The following GOLM2 variants were observed in gnomAD, a reference collection of about 807,000 sequenced individuals.
GOLM2 encodes the protein golgi membrane protein 2.
A neutral mutation model predicts 55.9 loss-of-function variants in GOLM2; 26 were observed. That is an observed-to-expected ratio of 0.47 (90% CI 0.34 to 0.65). GOLM2 has a LOEUF of 0.65. Ranked by LOEUF, GOLM2 falls within the 30% of genes least tolerant of loss-of-function variation. The pLI is 0.01. For missense variants in GOLM2, 486 were observed against 531.8 expected (o/e 0.91, Z 0.85); for synonymous variants, 165 against 194.6 (o/e 0.85, Z 1.27).
intron 6 of GOLM2, among the ~76,000 whole-genome samples, chr15:44,341,413 C>CGG (rs1373024461): frequency 6.6e-5 from 10 of 151,948 alleles, no homozygotes; most frequent in African/African-American, 2.4e-4. Flanking sequence ...AAAATTTTAT[C>CGG]ATTATTACTC....
rs1434760441 is a variant in GOLM2, at chr15:44,288,959, C to T, written c.-71C>T. On this transcript the variant is annotated 5_prime_UTR_variant, in exon 1 of 10. Transcript: ENST00000299957. ...TGGGGCCGTGTCCGCCGGGCAACTC[C>T]AGCCGAGGCCTGGGCTTCTGCCTGC... is the stretch of plus-strand genomic sequence containing the variant. 1 of 1,433,264 alleles carries T rather than the reference C, an allele frequency of 7.0e-7. No homozygotes were observed. The allele number at this position is 1,433,264 out of a possible 1,614,324, so 88.8% of individuals were successfully genotyped here.
At chr15:44,366,296 C>CA (rs34413737) in intron 6 of GOLM2, among the ~76,000 whole-genome samples, 3,954 of 54,764 alleles carry the variant, frequency 0.072, 94 homozygotes, top group East Asian at 0.15. Context: ...GACTCCGTCT[C>CA]AAAAAAAAAA....
intron 1 of GOLM2, among the ~76,000 whole-genome samples, chr15:44,298,714 T>C (rs78660247): frequency 0.029 from 4,378 of 152,300 alleles, 220 homozygotes; most frequent in African/African-American, 0.1. Flanking sequence ...GGAAGGACTA[T>C]GTTTTAAATT....
intron 6 of GOLM2, among the ~76,000 whole-genome samples, chr15:44,353,518 G>A (rs953487810): frequency 1.3e-5 from 2 of 152,146 alleles, no homozygotes; most frequent in African/African-American, 4.8e-5. Context: ...CCAGGATTTG[G>A]AAGCAACCTA....
chr15:44,341,079 CTTTTTTTT>C (rs533432768), intron 6 of GOLM2, among the ~76,000 whole-genome samples: 2 of 132,240 alleles, frequency 1.5e-5, no homozygotes, highest in East Asian at 4.3e-4. Context: ...ATACTTTTCT[CTTTTTTTT>C]TTTTTTTTTT....
intron 4 of GOLM2, among the ~76,000 whole-genome samples, chr15:44,336,537 T>C (rs1437265568): frequency 6.6e-6 from 1 of 152,252 alleles, no homozygotes; most frequent in Non-Finnish European, 1.5e-5. Flanking sequence ...AAATATTTAT[T>C]GTTGATTTTA....
rs868019378 is a variant in GOLM2 at position 44,381,849 on chromosome 15, C to T, written c.1072+873C>T. Among the ~76,000 whole-genome samples, 15 of 152,096 alleles carry T rather than the reference C, an allele frequency of 9.9e-5. 1 individual carries two copies. The South Asian group carries it at 1.7e-3, about 17-fold the overall frequency. On this transcript the variant is annotated intron_variant, in intron 8 of 9. Coordinates refer to ENST00000299957, the MANE Select transcript of GOLM2 (RefSeq NM_138423.4). ...TATTTATTTTTAGAGACGGGGGTCTCGCTTTGTTGCCCAGGCTGGTCTTGA... is the reference window on the plus strand; with the variant it reads ...TATTTATTTTTAGAGACGGGGGTCTTGCTTTGTTGCCCAGGCTGGTCTTGA...
At chr15:44,379,520 C>G (rs2079387426) in intron 6 of GOLM2, among the ~76,000 whole-genome samples, 170 bp from the exon 7 acceptor site, 1 of 148,838 alleles carries the variant, frequency 6.7e-6, no homozygotes, top group Non-Finnish European at 1.5e-5. Flanking sequence ...TACAGTGTAT[C>G]AATTAGTAAC....
Position 44,348,046 on chromosome 15 carries a change from TCAGCACTGGTAAC to T in GOLM2, c.802+9733_802+9745del, listed in dbSNP as rs200872981. Among the ~76,000 whole-genome samples the T allele has an allele frequency of 1.6e-4, 24 of 147,330 alleles. No homozygotes were observed. In the East Asian group the frequency reaches 4.8e-3, roughly 29 times the overall value. ...TAAAGAGCCCTTGGGCCCTGAATAA[TCAGCACTGGTAAC>T]CAGATAGGAGATGCCATGGCCTTGA... On this transcript the variant is annotated intron_variant, in intron 6 of 9. Transcript: ENST00000299957.
intron 6 of GOLM2, among the ~76,000 whole-genome samples, chr15:44,356,908 T>G (rs1460185018): frequency 1.3e-5 from 2 of 152,208 alleles, no homozygotes; most frequent in African/African-American, 4.8e-5. Flanking sequence ...CAGTGGCTCA[T>G]GCCTGTAATC....
At chr15:44,407,717 G>C (rs1269239930) in intron 9 of GOLM2, among the ~76,000 whole-genome samples, 1 of 151,034 alleles carries the variant, frequency 6.6e-6, no homozygotes, top group African/African-American at 2.4e-5. Context: ...CCAAAGTGTT[G>C]GGATCACAGG....
intron 1 of GOLM2, among the ~76,000 whole-genome samples, chr15:44,312,656 A>T (rs776208518): frequency 6.6e-6 from 1 of 152,150 alleles, no homozygotes; most frequent in Non-Finnish European, 1.5e-5. Flanking sequence ...TTTAAAAAAT[A>T]GTTGTCTGGC....
At chr15:44,333,771 C>G (rs1300037254) in intron 4 of GOLM2, among the ~76,000 whole-genome samples, 1 of 151,816 alleles carries the variant, frequency 6.6e-6, no homozygotes, top group African/African-American at 2.4e-5. Context: ...GGCTGGAGTG[C>G]AGTGGCGTGA....
At chr15:44,332,278 C>T (rs774935139) in intron 4 of GOLM2, among the ~76,000 whole-genome samples, 200 bp downstream of exon 4, 21 of 152,000 alleles carry the variant, frequency 1.4e-4, no homozygotes, top group Non-Finnish European at 2.9e-4. Context: ...TAAAACTGGT[C>T]GGGCACGGTG....
chr15:44,296,165 T>G (rs1006703643), intron 1 of GOLM2, among the ~76,000 whole-genome samples: 17 of 152,226 alleles, frequency 1.1e-4, no homozygotes, highest in African/African-American at 3.9e-4. Context: ...AAGGTCCTCC[T>G]GTTTAAGCCT....
chr15:44,363,386 C>A (rs1282517146), intron 6 of GOLM2, among the ~76,000 whole-genome samples: 2 of 152,130 alleles, frequency 1.3e-5, no homozygotes, highest in African/African-American at 2.4e-5. Flanking sequence ...GGGCGAAGGA[C>A]ATGAACAGAC....
chr15:44,339,547 C>T (rs1357549134), intron 6 of GOLM2, among the ~76,000 whole-genome samples: 1 of 151,876 alleles, frequency 6.6e-6, no homozygotes, highest in Non-Finnish European at 1.5e-5. Flanking sequence ...CCATGTTGGC[C>T]AGCTGGTCTC....
intron 6 of GOLM2, among the ~76,000 whole-genome samples, chr15:44,366,190 G>C (rs2141178915): frequency 6.6e-6 from 1 of 151,930 alleles, no homozygotes; most frequent in African/African-American, 2.4e-5. Context: ...CCAGCTACTT[G>C]GGAGACTGAG....
intron 1 of GOLM2, among the ~76,000 whole-genome samples, chr15:44,304,609 A>G (rs778987563): frequency 2.8e-4 from 43 of 152,026 alleles, no homozygotes; most frequent in Non-Finnish European, 5.6e-4. Context: ...GGCTGAATGC[A>G]GTGGTGCAAT....
Sources: allele counts gnomAD v4.1 joint callset (sites outside exome capture counted in the v4.1 genomes callset), GRCh38; gene constraint gnomAD v4.1.1; transcripts MANE v1.5; gene names NCBI Gene and HGNC (gene_info 2026-07-23, HGNC 2026-07-21).